Variants in SAP130 observed in about 807,000 individuals in gnomAD.
The protein encoded by SAP130 is Sin3A associated protein 130.
In SAP130, 16 loss-of-function variants were observed where a neutral mutation model predicts 103.2. The observed-to-expected ratio is 0.16, with a 90% CI of 0.10 to 0.24. The LOEUF (loss-of-function observed/expected upper bound fraction) is 0.24. Ranked by LOEUF, SAP130 falls within the 10% of genes least tolerant of loss-of-function variation. The pLI is 1.00. For missense variants in SAP130, 990 were observed against 1,359.7 expected, an observed-to-expected ratio of 0.73 and a Z score of 4.28; for synonymous variants, 477 against 497.0, an observed-to-expected ratio of 0.96 and a Z score of 0.53.
chr2:127,989,416 C>CT lies in SAP130; in HGVS notation c.1780+147dup, dbSNP rs1344754101. The CT allele has an allele frequency of 1.1e-5, 8 of 736,222 alleles. No individual in the cohort carries two copies. The highest frequency in any genetic ancestry group is 2.2e-6 in the Non-Finnish European group (1 of 459,804). 45.6% of individuals were successfully genotyped at this position (736,222 alleles called of 1,614,324 possible). ...TAACGTTTACAGTGACCCTGAAACTCTAAGTTCTAAGCAACTCATATTATT... is the reference window on the plus strand; with the variant it reads ...TAACGTTTACAGTGACCCTGAAACTCTTAAGTTCTAAGCAACTCATATTATT... On this transcript the variant is annotated intron_variant, in intron 13 of 20. Transcript: ENST00000643581. This position sits in a 1 kb window ranked among gnomAD's most constrained non-coding sequence, Gnocchi z 4.6.
intron 15 of SAP130, among the ~76,000 whole-genome samples, chr2:127,965,561 G>A (rs974159896): frequency 2.0e-5 from 3 of 152,122 alleles, no homozygotes; most frequent in South Asian, 2.1e-4. Flanking sequence ...AGGCTGAAGC[G>A]AGTGGATCAT....
intron 7 of SAP130, among the ~76,000 whole-genome samples, chr2:128,009,829 G>A (rs532995074): frequency 8.1e-4 from 124 of 152,202 alleles, no homozygotes; most frequent in African/African-American, 2.1e-3. Context: ...GAGCCTTTGC[G>A]CTCACTGTTC....
chr2:127,956,130 G>C (rs112703079), intron 15 of SAP130, among the ~76,000 whole-genome samples: 1,897 of 152,102 alleles, frequency 0.012, 37 homozygotes, highest in African/African-American at 0.043. Flanking sequence ...AACCATTCCT[G>C]TATAAATGGA....
intron 16 of SAP130, among the ~76,000 whole-genome samples, chr2:127,952,615 C>G (rs566227096): frequency 6.6e-5 from 10 of 152,242 alleles, no homozygotes; most frequent in African/African-American, 2.2e-4. Flanking sequence ...CCCATCATTA[C>G]AGAAAAACTG....
intron 2 of SAP130, among the ~76,000 whole-genome samples, chr2:128,025,484 T>A (rs910104554): frequency 4.7e-4 from 72 of 152,200 alleles, no homozygotes; most frequent in African/African-American, 1.7e-3. Flanking sequence ...GGTTCCCTGA[T>A]GTGAATTCAA....
rs1426849466 is a variant in SAP130 at position 127,986,963 on chromosome 2, C to T, written c.1781-1G>A. ...GTGGCTCCATCTGCCAACACCACTG[C>T]TACAGGAGAGAGGCAACAGGAAAGA... On this transcript the variant is annotated splice_acceptor_variant, in intron 13 of 20. Transcript: ENST00000643581. LOFTEE classifies it high-confidence loss of function. The surrounding 1 kb of genome is among the most constrained non-coding windows in gnomAD (Gnocchi z 4.7). 23 of 1,606,772 alleles carry T rather than the reference C, an allele frequency of 1.4e-5. No homozygotes were observed. The highest frequency in any genetic ancestry group is 1.9e-5 in the Non-Finnish European group (22 of 1,174,126).
chr2:128,006,755 GGC>G (rs1684004150), intron 7 of SAP130, among the ~76,000 whole-genome samples: 1 of 152,202 alleles, frequency 6.6e-6, no homozygotes, highest in African/African-American at 2.4e-5. Flanking sequence ...TCTCCAACCT[GGC>G]TGGCGGAGCA....
intron 2 of SAP130, among the ~76,000 whole-genome samples, chr2:128,023,098 G>C (rs1573864143): frequency 6.6e-6 from 1 of 151,688 alleles, no homozygotes; most frequent in Admixed American, 6.6e-5. Flanking sequence ...AAGTTCAAGT[G>C]ACTGTCCTGC....
chr2:128,027,299 C>A, intron 1 of SAP130: 1 of 1,160,220 alleles, frequency 8.6e-7, no homozygotes, highest in Non-Finnish European at 1.1e-6. Context: ...TCCTCTTCCC[C>A]CGAACCTGCC....
At chr2:127,985,947 A>C (rs546651260) in intron 14 of SAP130, among the ~76,000 whole-genome samples, 81 of 152,280 alleles carry the variant, frequency 5.3e-4, no homozygotes, top group African/African-American at 1.9e-3. Context: ...GCATGCCAGC[A>C]GGCCCCCGAC....
chr2:128,027,040 C>G lies in SAP130; in HGVS notation c.-6-742G>C, dbSNP rs1211309003. 4 of 1,365,312 alleles carry G rather than the reference C, an allele frequency of 2.9e-6. No individual in the cohort carries two copies. In the East Asian group the frequency reaches 8.4e-5, roughly 29 times the overall value. 84.6% of individuals were successfully genotyped at this position (1,365,312 alleles called of 1,614,324 possible). A position where few individuals can be genotyped will look rare whatever the true frequency, so the allele number is the denominator to read the frequency against. ...GACCCCCGTCTCCGGGGTGGGGGTGCGGACGGGCGATCTGGGGACCCGACC... is the reference window on the plus strand; with the variant it reads ...GACCCCCGTCTCCGGGGTGGGGGTGGGGACGGGCGATCTGGGGACCCGACC... On this transcript the variant is annotated intron_variant, in intron 1 of 20. Transcript: ENST00000643581.
At chr2:127,993,339 A>G in intron 11 of SAP130, 31 bp from the exon 12 acceptor site, 2 of 1,576,860 alleles carry the variant, frequency 1.3e-6, no homozygotes, top group African/African-American at 1.4e-5. Flanking sequence ...AGCAAACAAA[A>G]TAGTCATTTT....
chr2:127,987,661 C>A (rs1682497208), intron 13 of SAP130, among the ~76,000 whole-genome samples: 1 of 152,028 alleles, frequency 6.6e-6, no homozygotes, highest in Non-Finnish European at 1.5e-5. Context: ...AACTGACAGA[C>A]AAGAAAGGCT....
At chr2:127,947,760 GTGTC>G (rs1327424949) in intron 18 of SAP130, among the ~76,000 whole-genome samples, 1,837 of 141,012 alleles carry the variant, frequency 0.013, 34 homozygotes, top group African/African-American at 0.048. Flanking sequence ...TGTATTGTGT[GTGTC>G]TGTGTGTGTG....
Position 127,955,083 on chromosome 2 carries a change from A to G in SAP130, c.2325T>C (p.Thr775=). 6.2e-7 allele frequency: 1 copy of G among 1,614,184 alleles called. No homozygotes were observed. The highest frequency in any genetic ancestry group is 1.3e-5 in the African/African-American group (1 of 75,038). The change falls in exon 16 of 21, where the codon ACT becomes ACC. Residue 775 remains threonine, a synonymous_variant. Coordinates refer to ENST00000643581, the MANE Select transcript of SAP130 (RefSeq NM_001330301.2). The surrounding 1 kb of genome is among the most constrained non-coding windows in gnomAD (Gnocchi z 4.9). ...TIAAAPPPSV[T]VGGSLSSVLG... ...AGACGGAGGAAAGACTGCCACCCAC[A>G]GTGACTGATGGAGGTGGTGCAGCTG...
At position 127,953,613 on chromosome 2, in the gene SAP130, C is replaced by T. The variant is rs1679638793; in HGVS notation, c.2422+1373G>A. ...TCCCCTTATTACTTAGCTCCAGCGA[C>T]CTTTGGTTCTTTGCTATATTTTGAG... On this transcript the variant is annotated intron_variant, in intron 16 of 20. Transcript: ENST00000643581. This position sits in a 1 kb window ranked among gnomAD's most constrained non-coding sequence, Gnocchi z 4.0. Among the ~76,000 whole-genome samples, 1 of 152,132 alleles carries T rather than the reference C, an allele frequency of 6.6e-6. No homozygotes were observed. The highest frequency in any genetic ancestry group is 1.5e-5 in the Non-Finnish European group (1 of 68,006).
At chr2:127,983,822 T>TG (rs1682144308) in intron 14 of SAP130, among the ~76,000 whole-genome samples, 1 of 106,782 alleles carries the variant, frequency 9.4e-6, no homozygotes, top group Non-Finnish European at 1.8e-5. Flanking sequence ...ATTACTTTGT[T>TG]GTTTTTTTTT....
intron 15 of SAP130, among the ~76,000 whole-genome samples, chr2:127,967,558 G>A (rs183706505): frequency 5.9e-5 from 9 of 152,190 alleles, no homozygotes; most frequent in Admixed American, 2.6e-4. Context: ...ACCACCATGC[G>A]CAGCTAATTT....
chr2:127,944,110 C>CA (rs1387444356), intron 19 of SAP130, among the ~76,000 whole-genome samples: 1 of 152,054 alleles, frequency 6.6e-6, no homozygotes, highest in African/African-American at 2.4e-5. Context: ...TGGCTAAGGG[C>CA]AGCCTTGGTC....
Sources: allele counts gnomAD v4.1 joint callset (sites outside exome capture counted in the v4.1 genomes callset), GRCh38; gene constraint gnomAD v4.1.1; non-coding constraint Gnocchi (gnomAD v3.1); transcripts MANE v1.5; gene names NCBI Gene and HGNC (gene_info 2026-07-23, HGNC 2026-07-21).